ZRANB3: variants seen among roughly 807,000 people sequenced by gnomAD.
ZRANB3 encodes the protein DNA annealing helicase and endonuclease ZRANB3.
A neutral mutation model predicts 133.8 loss-of-function variants in ZRANB3; 125 were observed. The observed-to-expected ratio is 0.93, with a 90% CI of 0.81 to 1.08. The LOEUF (loss-of-function observed/expected upper bound fraction) is 1.08. Ranked by LOEUF, ZRANB3 falls within the 50% of genes least tolerant of loss-of-function variation. The pLI, the probability that ZRANB3 is intolerant of heterozygous loss-of-function variation, is 0.00. For synonymous variants in ZRANB3, 387 were observed against 432.7 expected, an observed-to-expected ratio of 0.89 and a Z score of 1.31; for missense variants, 1,229 against 1,275.5, an observed-to-expected ratio of 0.96 and a Z score of 0.56.
intron 19 of ZRANB3, among the ~76,000 whole-genome samples, chr2:135,205,421 T>C (rs1218711875): frequency 6.6e-6 from 1 of 152,134 alleles, no homozygotes; most frequent in Non-Finnish European, 1.5e-5. Context: ...AGGTGCATGC[T>C]ACCACACCTG....
chr2:135,353,454 C>T lies in ZRANB3; in HGVS notation c.355G>A (p.Val119Ile), dbSNP rs1225953329. The T allele has an allele frequency of 5.1e-6, 8 of 1,575,382 alleles. No homozygotes were observed. Among genetic ancestry groups the T allele is most frequent in the Non-Finnish European group, 6.0e-6 (7 of 1,162,434 alleles). The change falls in exon 4 of 21, where the codon GTT (valine) becomes ATT (isoleucine). Residue 119 changes from valine (V) to isoleucine (I), a missense_variant. Val to Ile is a conservative substitution (Grantham distance 29, BLOSUM62 3). Coordinates refer to ENST00000264159, the MANE Select transcript of ZRANB3 (RefSeq NM_032143.4). ...ATATTAAACAGTTGTTCTTACCTAA[C>T]ATCAGTTTTATTCTGAATAACATTG... ...EINVIQNKTD[V>I]RRMSTSKVTV...
At chr2:135,389,836 T>A (rs1190597423) in intron 3 of ZRANB3, among the ~76,000 whole-genome samples, 1 of 152,056 alleles carries the variant, frequency 6.6e-6, no homozygotes, top group Non-Finnish European at 1.5e-5. Flanking sequence ...ATTTCCTTCA[T>A]TTCTAATATA....
At chr2:135,360,186 C>T (rs941461224) in intron 3 of ZRANB3, among the ~76,000 whole-genome samples, 7 of 151,342 alleles carry the variant, frequency 4.6e-5, no homozygotes, top group African/African-American at 1.7e-4. Context: ...CGAGACTAGC[C>T]TGGCCAAAAT....
At chr2:135,375,539 G>C (rs4954247) in intron 3 of ZRANB3, among the ~76,000 whole-genome samples, 15,957 of 152,194 alleles carry the variant, frequency 0.1, 1,100 homozygotes, top group South Asian at 0.32. Context: ...CAAAAAACTA[G>C]CCGGGCATGG....
At chr2:135,230,330 G>C (rs554753916) in intron 13 of ZRANB3, among the ~76,000 whole-genome samples, 183 bp downstream of exon 13, 1 of 152,288 alleles carries the variant, frequency 6.6e-6, no homozygotes, top group African/African-American at 2.4e-5. Context: ...ACAGAACTGA[G>C]AGCTTTTCAC....
At chr2:135,419,396 G>A (rs1463621991) in intron 2 of ZRANB3, among the ~76,000 whole-genome samples, 3 of 152,000 alleles carry the variant, frequency 2.0e-5, no homozygotes, top group African/African-American at 7.3e-5. Context: ...GTGTTTATGT[G>A]TGTGTGTGTG....
Position 135,235,961 on chromosome 2 carries a change from A to T in ZRANB3, c.1540-5034T>A, listed in dbSNP as rs527743773. 5.3e-3 allele frequency among the ~76,000 whole-genome samples: 810 copies of T among 152,058 alleles called. 4 individuals are homozygous for T. Among genetic ancestry groups the T allele is most frequent in the African/African-American group, 0.015 (632 of 41,406 alleles). On this transcript the variant is annotated intron_variant, in intron 12 of 20. Coordinates refer to ENST00000264159, the MANE Select transcript of ZRANB3 (RefSeq NM_032143.4). Reference sequence around the variant, plus strand: ...AGGGCAATGAGGCAGGAGAAGGAAAAAAAGGGCATTCAATTAGGAAAAGAG... The same window carrying T: ...AGGGCAATGAGGCAGGAGAAGGAAATAAAGGGCATTCAATTAGGAAAAGAG...
intron 2 of ZRANB3, among the ~76,000 whole-genome samples, chr2:135,444,124 G>A (rs534157097): frequency 6.6e-5 from 10 of 151,504 alleles, no homozygotes; most frequent in South Asian, 6.3e-4. Flanking sequence ...AAAAAAAAGC[G>A]CTGATAAGAA....
In ZRANB3 at chr2:135,288,873, C is replaced by CATGTGTGT. The variant is rs1248341763; in HGVS notation, c.967-13119_967-13118insACACACAT. 2.1e-5 allele frequency among the ~76,000 whole-genome samples: 3 copies of CATGTGTGT among 141,398 alleles called. 1 individual carries two copies. The East Asian group carries it at 6.1e-4, about 29-fold the overall frequency. The allele number at this position is 141,398 out of a possible 152,430, so 92.8% of individuals were successfully genotyped here. On this transcript the variant is annotated intron_variant, in intron 8 of 20. Transcript: ENST00000264159. The stretch of plus-strand genomic sequence containing the variant: ...AAGAACTTGTTTCTGCTTCATTTAT[C>CATGTGTGT]GTGTGTGTGTGTGTGTGTGTGTGTG...
At chr2:135,364,116 AG>A (rs1160202801) in intron 3 of ZRANB3, among the ~76,000 whole-genome samples, 7 of 151,450 alleles carry the variant, frequency 4.6e-5, no homozygotes, top group Non-Finnish European at 1.0e-4. Flanking sequence ...GAAGGAGGGA[AG>A]GAAGAAGGGA....
At chr2:135,286,001 CATTG>C (rs1425146560) in intron 8 of ZRANB3, among the ~76,000 whole-genome samples, 1 of 152,162 alleles carries the variant, frequency 6.6e-6, no homozygotes, top group Non-Finnish European at 1.5e-5. Flanking sequence ...GTACTGGTAA[CATTG>C]ATTATTTTTG....
At position 135,275,628 on chromosome 2, in the gene ZRANB3, C is replaced by T. The variant is rs764850514; in HGVS notation, c.1086+8G>A. 16 of 1,571,160 alleles carry T rather than the reference C, an allele frequency of 1.0e-5. No homozygotes were observed. In the African/African-American group the frequency reaches 1.9e-4, roughly 19 times the overall value. On this transcript the variant is annotated splice_region_variant and intron_variant, in intron 9 of 20. Transcript: ENST00000264159. Reference sequence around the variant, plus strand: ...TAAAAAGTATTTAGTTAAAAAATGGCAACATACCTTATTTTCGATGACTGC... The same window carrying T: ...TAAAAAGTATTTAGTTAAAAAATGGTAACATACCTTATTTTCGATGACTGC...
intron 2 of ZRANB3, among the ~76,000 whole-genome samples, chr2:135,441,045 G>A (rs1689756401): frequency 6.6e-6 from 1 of 151,370 alleles, no homozygotes; most frequent in Admixed American, 6.6e-5. Flanking sequence ...GAGAGAAAGG[G>A]GCAGAAAAAA....
In ZRANB3 at chr2:135,291,274, C is replaced by A. The variant is rs188603485; in HGVS notation, c.967-15519G>T. Among the ~76,000 whole-genome samples the A allele has an allele frequency of 8.7e-4, 132 of 152,236 alleles. 2 individuals are homozygous for A. The highest frequency in any genetic ancestry group is 3.0e-3 in the African/African-American group (126 of 41,540). On this transcript the variant is annotated intron_variant, in intron 8 of 20. Transcript: ENST00000264159. ...CTTGGCTCAAGGCAACCTCTGCCTT[C>A]TAGATTCAAGCGATTCTCCAGCCTC... is the stretch of plus-strand genomic sequence containing the variant.
chr2:135,382,889 C>T (rs962507551), intron 3 of ZRANB3, among the ~76,000 whole-genome samples: 1 of 152,128 alleles, frequency 6.6e-6, no homozygotes, highest in African/African-American at 2.4e-5. Context: ...CAAAAACATG[C>T]CAAATTCTAA....
At chr2:135,234,902 T>C (rs1695215735) in intron 12 of ZRANB3, among the ~76,000 whole-genome samples, 1 of 152,016 alleles carries the variant, frequency 6.6e-6, no homozygotes, top group South Asian at 2.1e-4. Flanking sequence ...AGCAAACACA[T>C]TCAAAAGCCA....
At chr2:135,372,403 C>T (rs766870675) in intron 3 of ZRANB3, among the ~76,000 whole-genome samples, 1 of 152,042 alleles carries the variant, frequency 6.6e-6, no homozygotes, top group East Asian at 1.9e-4. Flanking sequence ...AAGACAATCC[C>T]CAAACCCACT....
chr2:135,318,318 A>G (rs1683359027), intron 6 of ZRANB3, among the ~76,000 whole-genome samples: 1 of 150,444 alleles, frequency 6.6e-6, no homozygotes, highest in African/African-American at 2.5e-5. Context: ...TCCTAACTTT[A>G]GGTTTTGGCC....
At chr2:135,379,632 G>A (rs1484731584) in intron 3 of ZRANB3, among the ~76,000 whole-genome samples, 1 of 152,066 alleles carries the variant, frequency 6.6e-6, no homozygotes, top group East Asian at 1.9e-4. Flanking sequence ...TCACCACCAG[G>A]CCTGCCTTAC....
Sources: gnomAD v4.1 joint callset for allele counts (sites outside exome capture counted in the v4.1 genomes callset) on GRCh38, gnomAD v4.1.1 for gene constraint, MANE v1.5 for transcripts, NCBI Gene and HGNC (gene_info 2026-07-23, HGNC 2026-07-21) for gene names.